The following ZBTB40 variants were observed in gnomAD, a reference collection of about 807,000 sequenced individuals.
ZBTB40 encodes the protein zinc finger and BTB domain containing 40, also known as zinc finger and BTB domain-containing protein 40.
In ZBTB40, 60 loss-of-function variants were observed where a neutral mutation model predicts 117.5. That is an observed-to-expected ratio of 0.51 (90% CI 0.41 to 0.63). The LOEUF is 0.63. Ranked by LOEUF, ZBTB40 falls within the 30% of genes least tolerant of loss-of-function variation. The pLI is 0.00. For synonymous variants in ZBTB40, 525 were observed against 577.1 expected (o/e 0.91, Z 1.29); for missense variants, 1,287 against 1,498.5 (o/e 0.86, Z 2.33).
At chr1:22,471,750 T>C (rs969286165) in intron 1 of ZBTB40, among the ~76,000 whole-genome samples, 1 of 152,116 alleles carries the variant, frequency 6.6e-6, no homozygotes, top group African/African-American at 2.4e-5. Context: ...CACTGTAGGG[T>C]TATGGGGATG....
intron 2 of ZBTB40, 49 bp downstream of exon 2, chr1:22,490,694 A>C: frequency 1.9e-6 from 3 of 1,594,994 alleles, no homozygotes; most frequent in Non-Finnish European, 1.7e-6. Context: ...AATGATCTTT[A>C]TCAGTTTTAA....
chr1:22,432,893 T>A (rs1640616505), intron 1 of ZBTB40, among the ~76,000 whole-genome samples: 1 of 152,256 alleles, frequency 6.6e-6, no homozygotes, highest in African/African-American at 2.4e-5. Context: ...ATCGTCTAAG[T>A]GCTTTCATGC....
chr1:22,451,260 A>ATG (rs1436941917), upstream of ZBTB40, among the ~76,000 whole-genome samples: 2 of 152,164 alleles, frequency 1.3e-5, no homozygotes, highest in African/African-American at 4.8e-5. Context: ...TCGCACGTGA[A>ATG]TGTGTTGTTT....
chr1:22,464,279 G>A (rs1445783600), intron 1 of ZBTB40, among the ~76,000 whole-genome samples: 1 of 152,208 alleles, frequency 6.6e-6, no homozygotes, highest in Admixed American at 6.5e-5. Flanking sequence ...CTCCAGCTCT[G>A]GCCTTTAACC....
chr1:22,501,759 A>G (rs1426065120), intron 4 of ZBTB40, 75 bp downstream of exon 4: 3 of 1,500,256 alleles, frequency 2.0e-6, no homozygotes, highest in Non-Finnish European at 2.7e-6. Flanking sequence ...TTCCAATGAC[A>G]TGTTTCTTTG....
At position 22,490,674 on chromosome 1, in the gene ZBTB40, T is replaced by G. The variant is rs116579563; in HGVS notation, c.697+29T>G. 6 of 1,607,702 alleles carry G rather than the reference T, an allele frequency of 3.7e-6. No homozygotes were observed. The East Asian group carries it at 1.3e-4, about 36-fold the overall frequency. On this transcript the variant is annotated intron_variant, in intron 2 of 17. Coordinates refer to ENST00000375647, the MANE Select transcript of ZBTB40 (RefSeq NM_014870.4). ...ACAGTCATTGTTTTATATTCCATCC[T>G]TCTGTTTTCAATGATCTTTATCAGT...
At chr1:22,451,306 C>T (rs1341533239), upstream of ZBTB40, among the ~76,000 whole-genome samples, 1 of 152,148 alleles carries the variant, frequency 6.6e-6, no homozygotes, top group African/African-American at 2.4e-5. Flanking sequence ...ACTTCCTTGC[C>T]CTCCTTTGAA....
At position 22,522,418 on chromosome 1, in the gene ZBTB40, C is replaced by A. The variant is rs1007248293; in HGVS notation, c.3253C>A (p.Pro1085Thr). The A allele has an allele frequency of 9.3e-6, 15 of 1,614,130 alleles. No homozygotes were observed. Among genetic ancestry groups the A allele is most frequent in the Non-Finnish European group, 1.1e-5 (13 of 1,180,016 alleles). The change falls in exon 16 of 18, where the codon CCC becomes ACC. Residue 1085 changes from proline to threonine, a missense_variant. Pro to Thr is a conservative substitution (Grantham distance 38). This residue lies in a region of ZBTB40 where 417 missense variants were observed against 564.1 expected (regional missense o/e 0.74). Coordinates refer to ENST00000375647, the MANE Select transcript of ZBTB40 (RefSeq NM_014870.4). ...ATGTGACCAGTGTAAGGAGCTCTTCCCCACGCCAGCCTTGCTGCAGGTTCA... is the reference window on the plus strand; with the variant it reads ...ATGTGACCAGTGTAAGGAGCTCTTCACCACGCCAGCCTTGCTGCAGGTTCA... ...HECDQCKELF[P>T]TPALLQVHVK...
intron 13 of ZBTB40, 62 bp from the exon 14 acceptor site, chr1:22,519,999 C>T: frequency 6.9e-7 from 1 of 1,454,488 alleles, no homozygotes; most frequent in South Asian, 1.1e-5. Flanking sequence ...TCACTGATGG[C>T]TGCCTATGGT....
intron 15 of ZBTB40, 60 bp downstream of exon 15, chr1:22,521,718 C>T (rs1639533752): frequency 1.9e-6 from 3 of 1,607,970 alleles, no homozygotes; most frequent in Non-Finnish European, 2.6e-6. Flanking sequence ...GCCTCCTGGG[C>T]CCCACCAGAA....
chr1:22,520,409 G>A (rs1368372422), intron 14 of ZBTB40, 134 bp downstream of exon 14: 2 of 766,994 alleles, frequency 2.6e-6, no homozygotes, highest in Non-Finnish European at 4.5e-6. Flanking sequence ...TGATTCTCAT[G>A]AAGGATGCAG....
intron 3 of ZBTB40, among the ~76,000 whole-genome samples, chr1:22,494,563 C>T (rs979319778): frequency 1.3e-5 from 2 of 152,194 alleles, no homozygotes; most frequent in Non-Finnish European, 2.9e-5. Flanking sequence ...CTGTAGACTA[C>T]ATTTTGAGAA....
chr1:22,491,454 TCTC>T lies in ZBTB40; in HGVS notation c.753_755del (p.Phe251_Ser252delinsLeu), dbSNP rs771973487. 9 of 1,613,904 alleles carry T rather than the reference TCTC, an allele frequency of 5.6e-6. No individual in the cohort carries two copies. The highest frequency in any genetic ancestry group is 6.8e-6 in the Non-Finnish European group (8 of 1,179,944). ...TTTCTTCTAGAAAATGAAGGTGTCT[TCTC>T]AGATGCACTCATGGTTACCCAGGAT... On this transcript the variant is annotated inframe_deletion, in exon 3 of 18. Transcript: ENST00000375647.
intron 16 of ZBTB40, among the ~76,000 whole-genome samples, chr1:22,522,966 G>C (rs1309759397): frequency 4.9e-5 from 1 of 20,296 alleles, no homozygotes; most frequent in Non-Finnish European, 1.1e-4. Flanking sequence ...TTTTTTTTTT[G>C]AGATGGAGTC....
At chr1:22,483,934 A>T (rs1362169816) in intron 1 of ZBTB40, among the ~76,000 whole-genome samples, 1 of 152,192 alleles carries the variant, frequency 6.6e-6, no homozygotes, top group Admixed American at 6.5e-5. Context: ...TGAAGGGTGT[A>T]AGGTCTATGT....
chr1:22,509,479 T>G (rs1171600233), intron 9 of ZBTB40, among the ~76,000 whole-genome samples: 1 of 152,206 alleles, frequency 6.6e-6, no homozygotes, highest in African/African-American at 2.4e-5. Flanking sequence ...CCCAAGTAAC[T>G]GGGATTACAG....
rs974303635 is a variant in ZBTB40, at chr1:22,527,154, C to T, written c.*758C>T. The T allele has an allele frequency of 6.5e-6, 1 of 153,042 alleles. No homozygotes were observed. Among genetic ancestry groups the T allele is most frequent in the Non-Finnish European group, 1.5e-5 (1 of 68,586 alleles). 9.5% of individuals were successfully genotyped at this position (153,042 alleles called of 1,614,324 possible). On this transcript the variant is annotated 3_prime_UTR_variant, in exon 18 of 18. Coordinates refer to ENST00000375647, the MANE Select transcript of ZBTB40 (RefSeq NM_014870.4). Reference sequence around the variant, plus strand: ...AGGACATTCTTCTTGGTATTCCTTACCTGAAGCCTGGTTCCCACAGCTCTT... The same window carrying T: ...AGGACATTCTTCTTGGTATTCCTTATCTGAAGCCTGGTTCCCACAGCTCTT...
chr1:22,514,059 T>C (rs1038504742), intron 12 of ZBTB40, among the ~76,000 whole-genome samples: 1 of 151,534 alleles, frequency 6.6e-6, no homozygotes, highest in Non-Finnish European at 1.5e-5. Flanking sequence ...GAGAGGGGAG[T>C]GTAGCGCCCG....
At chr1:22,498,122 A>G (rs763605778) in intron 3 of ZBTB40, among the ~76,000 whole-genome samples, 7 of 152,154 alleles carry the variant, frequency 4.6e-5, no homozygotes, top group Non-Finnish European at 1.0e-4. Context: ...AAATATATTT[A>G]CCTATATTTC....
Sources: gnomAD v4.1 joint callset for allele counts (sites outside exome capture counted in the v4.1 genomes callset) on GRCh38, gnomAD v4.1.1 for gene constraint, gnomAD v4.1.1 regional missense constraint, MANE v1.5 for transcripts, NCBI Gene and HGNC (gene_info 2026-07-23, HGNC 2026-07-21) for gene names.